The following PDGFC variants were observed in gnomAD, a reference collection of about 807,000 sequenced individuals.
PDGFC encodes the protein platelet derived growth factor C, also known as platelet-derived growth factor C.
A neutral mutation model predicts 35.5 loss-of-function variants in PDGFC; 12 were observed. The ratio of observed to expected loss-of-function variants is 0.34; its 90% CI spans 0.22 to 0.55. PDGFC has a LOEUF of 0.55. PDGFC is among the 20% of genes least tolerant of loss of function. PDGFC has a pLI of 0.91. For synonymous variants in PDGFC, 159 were observed against 148.8 expected (o/e 1.07, Z -0.50); for missense variants, 322 against 412.4 (o/e 0.78, Z 1.90).
intron 3 of PDGFC, among the ~76,000 whole-genome samples, chr4:156,792,468 A>G (rs976120249): frequency 2.6e-5 from 4 of 152,180 alleles, no homozygotes; most frequent in African/African-American, 9.6e-5. Flanking sequence ...AGATCAGAAA[A>G]CAGAAAAGCA....
chr4:156,811,042 A>T (rs1299412143), intron 2 of PDGFC, 25 bp from the exon 3 acceptor site: 2 of 1,465,616 alleles, frequency 1.4e-6, no homozygotes, highest in African/African-American at 2.9e-5. Flanking sequence ...AGGGAAAGAG[A>T]CATCATTTCA....
At chr4:156,968,742 A>T (rs1035187869) in intron 1 of PDGFC, among the ~76,000 whole-genome samples, 5 of 152,234 alleles carry the variant, frequency 3.3e-5, no homozygotes, top group Non-Finnish European at 5.9e-5. Flanking sequence ...CTCTACTTCT[A>T]GTTACTTCCT....
chr4:156,968,068 A>G (rs79809603), intron 1 of PDGFC, among the ~76,000 whole-genome samples: 130 of 152,338 alleles, frequency 8.5e-4, no homozygotes, highest in Non-Finnish European at 1.7e-3. Context: ...ATTCTGAACC[A>G]TGTCCACATG....
At chr4:156,910,565 T>C (rs568812174) in intron 1 of PDGFC, among the ~76,000 whole-genome samples, 2 of 152,262 alleles carry the variant, frequency 1.3e-5, no homozygotes, top group South Asian at 4.1e-4. Context: ...AAGAGTGTAA[T>C]TTCTGAATCA....
chr4:156,819,409 A>G (rs568725595), intron 2 of PDGFC, among the ~76,000 whole-genome samples: 1 of 152,346 alleles, frequency 6.6e-6, no homozygotes, highest in African/African-American at 2.4e-5. Flanking sequence ...TGGTGACTTT[A>G]CGTTGAAGCT....
chr4:156,881,588 T>C (rs1334958963), intron 1 of PDGFC, among the ~76,000 whole-genome samples: 2 of 152,026 alleles, frequency 1.3e-5, no homozygotes, highest in Admixed American at 6.6e-5. Flanking sequence ...GGGAGTTACT[T>C]TGGGAGGCTG....
intron 2 of PDGFC, among the ~76,000 whole-genome samples, chr4:156,826,021 A>T (rs1167625726): frequency 2.0e-5 from 3 of 150,606 alleles, no homozygotes; most frequent in African/African-American, 7.3e-5. Context: ...GGTACACACT[A>T]CCAGGCCAGG....
intron 1 of PDGFC, among the ~76,000 whole-genome samples, chr4:156,927,141 C>T (rs1480338433): frequency 6.6e-6 from 1 of 152,152 alleles, no homozygotes; most frequent in African/African-American, 2.4e-5. Context: ...AGCAGTGGCC[C>T]GAGTGGCTGG....
At chr4:156,897,335 A>T (rs186766978) in intron 1 of PDGFC, among the ~76,000 whole-genome samples, 25 of 125,412 alleles carry the variant, frequency 2.0e-4, no homozygotes, top group Admixed American at 1.9e-3. Flanking sequence ...AATATGAGAG[A>T]GTGTGTGAGA....
chr4:156,822,759 A>T (rs2110983354), intron 2 of PDGFC, among the ~76,000 whole-genome samples: 1 of 151,930 alleles, frequency 6.6e-6, no homozygotes, highest in East Asian at 1.9e-4. Context: ...ATTCTCTTTT[A>T]TTTATTTATT....
chr4:156,928,112 C>T (rs148419777), intron 1 of PDGFC, among the ~76,000 whole-genome samples: 23 of 152,158 alleles, frequency 1.5e-4, no homozygotes, highest in Admixed American at 3.9e-4. Context: ...TGGGGGAAAC[C>T]GCCCCCATGA....
intron 2 of PDGFC, among the ~76,000 whole-genome samples, chr4:156,811,546 C>T (rs1731932433): frequency 6.6e-6 from 1 of 152,020 alleles, no homozygotes. Context: ...CCTGGGTGTT[C>T]TCAGCTCACT....
intron 1 of PDGFC, among the ~76,000 whole-genome samples, chr4:156,906,581 C>T (rs2110787712): frequency 1.3e-5 from 2 of 152,076 alleles, no homozygotes; most frequent in South Asian, 2.1e-4. Context: ...TGGAAGGTAG[C>T]TTAGGGGGAC....
chr4:156,919,672 C>T (rs1485893076), intron 1 of PDGFC, among the ~76,000 whole-genome samples: 1 of 152,106 alleles, frequency 6.6e-6, no homozygotes, highest in East Asian at 1.9e-4. Flanking sequence ...AAGCTGCCTG[C>T]CCCTGAAGTA....
intron 2 of PDGFC, among the ~76,000 whole-genome samples, chr4:156,828,372 A>G (rs1728838690): frequency 6.6e-6 from 1 of 152,192 alleles, no homozygotes; most frequent in Non-Finnish European, 1.5e-5. Context: ...AGTTTCAAGA[A>G]GTAATGACAG....
intron 1 of PDGFC, among the ~76,000 whole-genome samples, chr4:156,965,489 G>A (rs956797909): frequency 2.6e-5 from 4 of 152,094 alleles, no homozygotes; most frequent in African/African-American, 9.7e-5. Context: ...ACCTTGACAA[G>A]ACAGTGAGGG....
intron 1 of PDGFC, among the ~76,000 whole-genome samples, chr4:156,857,528 C>T (rs2111103708): frequency 6.6e-6 from 1 of 152,116 alleles, no homozygotes; most frequent in Non-Finnish European, 1.5e-5. Context: ...GGAACTCAAC[C>T]ACCAGCCTCT....
At chr4:156,874,240 A>G (rs1459718891) in intron 1 of PDGFC, among the ~76,000 whole-genome samples, 1 of 152,218 alleles carries the variant, frequency 6.6e-6, no homozygotes, top group African/African-American at 2.4e-5. Context: ...TACAGTTAAT[A>G]AATTGTCTTA....
At chr4:156,878,310 C>G (rs149992207) in intron 1 of PDGFC, among the ~76,000 whole-genome samples, 1 of 152,158 alleles carries the variant, frequency 6.6e-6, no homozygotes, top group East Asian at 1.9e-4. Flanking sequence ...GTCACCAGAT[C>G]CAATCATTCC....
Sources: gnomAD v4.1 joint callset for allele counts (sites outside exome capture counted in the v4.1 genomes callset) on GRCh38, gnomAD v4.1.1 for gene constraint, MANE v1.5 for transcripts, NCBI Gene and HGNC (gene_info 2026-07-23, HGNC 2026-07-21) for gene names.